The following GALNT13 variants were observed in gnomAD, a reference collection of about 807,000 sequenced individuals.
GALNT13 encodes the protein UDP-GalNAc:polypeptide N-acetylgalactosaminyltransferase 13.
A neutral mutation model predicts 64.2 loss-of-function variants in GALNT13; 28 were observed. The ratio of observed to expected loss-of-function variants is 0.44; its 90% CI spans 0.32 to 0.60. The LOEUF (loss-of-function observed/expected upper bound fraction) is 0.60, where lower values mean the gene tolerates loss of function less well. GALNT13 is among the 20% of genes least tolerant of loss of function. The probability of loss-of-function intolerance (pLI) is 0.05; values close to 1 mark genes in which losing one functional copy is unlikely to be tolerated. For missense variants in GALNT13, 577 were observed against 669.8 expected, an observed-to-expected ratio of 0.86 and a Z score of 1.53; for synonymous variants, 214 against 224.6, an observed-to-expected ratio of 0.95 and a Z score of 0.42.
the GALNT13 span, among the ~76,000 whole-genome samples, chr2:153,269,641 C>T: frequency 5.9e-5 from 9 of 152,064 alleles, no homozygotes; most frequent in Non-Finnish European, 1.0e-4. Context: ...CCTACTCTGC[C>T]GGTACCAATT....
chr2:154,015,269 A>G (rs1696928255), intron 3 of GALNT13, among the ~76,000 whole-genome samples: 1 of 152,206 alleles, frequency 6.6e-6, no homozygotes, highest in Non-Finnish European at 1.5e-5. Context: ...TAGTGAATTT[A>G]TTTTAAGTTG....
intron 11 of GALNT13, chr2:154,437,941 A>G (rs1701075145): frequency 4.8e-6 from 1 of 208,788 alleles, no homozygotes; most frequent in African/African-American, 2.4e-5. Context: ...AATAAAGATT[A>G]TTATAGTTCA....
chr2:153,130,862 C>T, the GALNT13 span, among the ~76,000 whole-genome samples: 2 of 152,184 alleles, frequency 1.3e-5, no homozygotes, highest in Non-Finnish European at 2.9e-5. Context: ...AGCCTTCACC[C>T]TGGTGAGCTG....
chr2:154,299,508 G>A (rs1163130460), intron 8 of GALNT13, among the ~76,000 whole-genome samples: 1 of 147,454 alleles, frequency 6.8e-6, no homozygotes, highest in African/African-American at 2.5e-5. Context: ...AGGCTGGAGT[G>A]CAGTGGCGTG....
the GALNT13 span, among the ~76,000 whole-genome samples, chr2:153,147,544 T>C: frequency 8.1e-5 from 12 of 147,536 alleles, no homozygotes; most frequent in African/African-American, 2.8e-4. Flanking sequence ...CATTAGACTT[T>C]TTTTTTTTTT....
At chr2:153,551,621 A>C in the GALNT13 span, among the ~76,000 whole-genome samples, 2 of 152,216 alleles carry the variant, frequency 1.3e-5, no homozygotes, top group East Asian at 1.9e-4. Context: ...GGATGTGAGA[A>C]TAGGAGAGCA....
At chr2:153,585,576 A>T in the GALNT13 span, among the ~76,000 whole-genome samples, 1 of 152,206 alleles carries the variant, frequency 6.6e-6, no homozygotes. Flanking sequence ...CAGGGAGCTC[A>T]ATGATCCCCA....
At chr2:153,284,015 C>T in the GALNT13 span, among the ~76,000 whole-genome samples, 7 of 151,902 alleles carry the variant, frequency 4.6e-5, no homozygotes, top group African/African-American at 1.5e-4. Flanking sequence ...TAAATACCTG[C>T]AGATCTGCCT....
At chr2:154,310,978 A>ATAGAATAGTCTAAGAATATATATTCT (rs1694002652) in intron 9 of GALNT13, among the ~76,000 whole-genome samples, 1 of 151,372 alleles carries the variant, frequency 6.6e-6, no homozygotes, top group Non-Finnish European at 1.5e-5. Flanking sequence ...ATATATATTC[A>ATAGAATAGTCTAAGAATATATATTCT]TAGAATATTC....
intron 8 of GALNT13, among the ~76,000 whole-genome samples, chr2:154,288,313 A>G (rs768125630): frequency 1.4e-4 from 22 of 152,114 alleles, no homozygotes; most frequent in Non-Finnish European, 1.9e-4. Context: ...CATGAGAGCT[A>G]CAATTCACGA....
the GALNT13 span, among the ~76,000 whole-genome samples, chr2:153,608,223 G>A: frequency 1.3e-5 from 2 of 152,114 alleles, no homozygotes; most frequent in Admixed American, 1.3e-4. Flanking sequence ...CTAACCAACT[G>A]TATTTAAGCT....
chr2:153,307,724 T>C, the GALNT13 span, among the ~76,000 whole-genome samples: 4 of 152,094 alleles, frequency 2.6e-5, no homozygotes, highest in Admixed American at 6.5e-5. Flanking sequence ...TTTAAAGTGG[T>C]GAGATCATAG....
rs760142500 is a variant in GALNT13 at position 154,450,480 on chromosome 2, C to T, written c.1600C>T (p.Pro534Ser). The T allele has an allele frequency of 6.2e-7, 1 of 1,612,168 alleles. No homozygotes were observed. Among genetic ancestry groups the T allele is most frequent in the South Asian group, 1.1e-5 (1 of 91,010 alleles). Residue 534 changes from proline (P) to serine (S), a missense_variant, in exon 13 of 13, where the codon CCT becomes TCT. Physicochemically the swap from Pro to Ser is moderately conservative, Grantham distance 74. Coordinates refer to ENST00000392825, the MANE Select transcript of GALNT13 (RefSeq NM_052917.4). The part of the protein sequence containing the change: ...DEPSEEDKMV[P>S]TMQDCSGSRS... ...ACCTTCTGAAGAAGACAAAATGGTG[C>T]CTACAATGCAGGACTGTAGTGGAAG...
intron 3 of GALNT13, among the ~76,000 whole-genome samples, chr2:154,011,578 T>C (rs1246918033): frequency 6.6e-6 from 1 of 152,194 alleles, no homozygotes; most frequent in Non-Finnish European, 1.5e-5. Context: ...GTAGATTATC[T>C]GTTAGGTCCA....
chr2:153,468,221 C>T, the GALNT13 span, among the ~76,000 whole-genome samples: 1 of 151,990 alleles, frequency 6.6e-6, no homozygotes, highest in African/African-American at 2.4e-5. Flanking sequence ...TCATGGAACA[C>T]TGTTACATTT....
chr2:153,227,280 T>C, the GALNT13 span, among the ~76,000 whole-genome samples: 1 of 152,178 alleles, frequency 6.6e-6, no homozygotes, highest in East Asian at 1.9e-4. Flanking sequence ...GGTCGATGAA[T>C]ATGAGTGCAG....
At chr2:153,156,895 G>A in the GALNT13 span, among the ~76,000 whole-genome samples, 1 of 152,160 alleles carries the variant, frequency 6.6e-6, no homozygotes, top group Non-Finnish European at 1.5e-5. Context: ...GATGAGACAA[G>A]GCACGGCATT....
chr2:153,367,123 A>G, the GALNT13 span, among the ~76,000 whole-genome samples: 1 of 152,134 alleles, frequency 6.6e-6, no homozygotes, highest in African/African-American at 2.4e-5. Context: ...ACATAAAGAA[A>G]TGATTAATGC....
At chr2:153,311,875 A>G in the GALNT13 span, among the ~76,000 whole-genome samples, 1 of 152,242 alleles carries the variant, frequency 6.6e-6, no homozygotes, top group South Asian at 2.1e-4. Context: ...CCAGGAGGTG[A>G]GGAGCACTAA....
Sources: allele counts gnomAD v4.1 joint callset (sites outside exome capture counted in the v4.1 genomes callset), GRCh38; gene constraint gnomAD v4.1.1; transcripts MANE v1.5; gene names NCBI Gene and HGNC (gene_info 2026-07-23, HGNC 2026-07-21).